The following DOCK10 variants were observed in gnomAD, a reference collection of about 807,000 sequenced individuals.
DOCK10 encodes dedicator of cytokinesis protein 10.
DOCK10 carries 145 observed loss-of-function variants against 280.1 expected under a neutral mutation model. The ratio of observed to expected loss-of-function variants is 0.52; its 90% confidence interval spans 0.45 to 0.59. The LOEUF (loss-of-function observed/expected upper bound fraction) is 0.59, where lower values mean the gene tolerates loss of function less well. DOCK10 is among the 20% of genes least tolerant of loss of function. DOCK10 has a pLI of 0.00. For synonymous variants in DOCK10, 915 were observed against 942.2 expected (o/e 0.97, Z 0.53); for missense variants, 2,368 against 2,651.7 (o/e 0.89, Z 2.35).
At chr2:224,787,705 C>G (rs72970954) in intron 48 of DOCK10, among the ~76,000 whole-genome samples, 8,750 of 152,260 alleles carry the variant, frequency 0.057, 297 homozygotes, top group South Asian at 0.1. Context: ...TCTGTTTTCC[C>G]TCTCCAATTG....
intron 3 of DOCK10, among the ~76,000 whole-genome samples, chr2:224,915,683 C>G (rs776219437): frequency 1.3e-5 from 2 of 152,190 alleles, no homozygotes; most frequent in Non-Finnish European, 2.9e-5. Flanking sequence ...CAAGACTGAA[C>G]TTAGATTCCA....
At chr2:224,971,999 C>T (rs1705113588) in intron 1 of DOCK10, among the ~76,000 whole-genome samples, 1 of 151,674 alleles carries the variant, frequency 6.6e-6, no homozygotes, top group Non-Finnish European at 1.5e-5. Context: ...AAATATGGCC[C>T]CTAGAAAATT....
At chr2:224,851,548 T>A (rs912471426) in intron 18 of DOCK10, among the ~76,000 whole-genome samples, 4 of 151,826 alleles carry the variant, frequency 2.6e-5, no homozygotes, top group African/African-American at 9.7e-5. Flanking sequence ...TTCTTCTGAA[T>A]AATGCTACAA....
Position 224,834,276 on chromosome 2 carries a change from C to T in DOCK10, c.2851-13G>A. On this transcript the variant is annotated splice_polypyrimidine_tract_variant and intron_variant, in intron 25 of 55. Transcript: ENST00000258390. ...TCTTGAACACGAACTGAAGAAAATC[C>T]AAAAAGTGAATAAAGTTAAATACTT... 7.0e-7 allele frequency: 1 copy of T among 1,437,618 alleles called. No individual in the cohort carries two copies. 89.1% of individuals were successfully genotyped at this position (1,437,618 alleles called of 1,614,324 possible).
chr2:224,784,923 C>A (rs1029561526), intron 50 of DOCK10, among the ~76,000 whole-genome samples: 1 of 152,058 alleles, frequency 6.6e-6, no homozygotes, highest in Admixed American at 6.6e-5. Context: ...TTTACTTTTT[C>A]ATTGGAAGGA....
chr2:224,789,249 T>C, intron 47 of DOCK10, 79 bp from the exon 48 acceptor site: 1 of 805,812 alleles, frequency 1.2e-6, no homozygotes, highest in Non-Finnish European at 2.1e-6. Context: ...TTCTTCATGA[T>C]GTTACCAAGT....
chr2:224,881,609 C>T (rs1179800709), intron 7 of DOCK10, among the ~76,000 whole-genome samples: 1 of 152,094 alleles, frequency 6.6e-6, no homozygotes, highest in East Asian at 1.9e-4. Flanking sequence ...AGCTCTGTGA[C>T]CTGTGAAAGA....
intron 1 of DOCK10, among the ~76,000 whole-genome samples, chr2:225,017,216 C>T (rs1340144649): frequency 6.6e-6 from 1 of 151,758 alleles, no homozygotes; most frequent in African/African-American, 2.4e-5. Flanking sequence ...AAGGTCATCT[C>T]GTACAGCTTC....
chr2:224,966,952 A>T (rs1704784362), intron 1 of DOCK10, among the ~76,000 whole-genome samples: 1 of 152,160 alleles, frequency 6.6e-6, no homozygotes, highest in African/African-American at 2.4e-5. Flanking sequence ...GGAGGCGGGA[A>T]TTACACATGT....
At chr2:224,951,426 A>G (rs1366222415) in intron 1 of DOCK10, among the ~76,000 whole-genome samples, 1 of 152,222 alleles carries the variant, frequency 6.6e-6, no homozygotes, top group Admixed American at 6.5e-5. Context: ...ATAAGAATTC[A>G]AAGTCTGGTC....
At chr2:224,795,999 A>G (rs529556255) in intron 44 of DOCK10, among the ~76,000 whole-genome samples, 1 of 151,504 alleles carries the variant, frequency 6.6e-6, no homozygotes, top group South Asian at 2.1e-4. Flanking sequence ...TTGATAGTTT[A>G]CTTTGAGGAG....
At chr2:224,843,139 G>T (rs1382246841) in intron 22 of DOCK10, among the ~76,000 whole-genome samples, 11 of 152,142 alleles carry the variant, frequency 7.2e-5, no homozygotes, top group African/African-American at 2.2e-4. Context: ...CCTGTGATAT[G>T]GTTCATAATA....
At chr2:224,778,001 G>T in intron 51 of DOCK10, 137 bp downstream of exon 51, 2 of 843,786 alleles carry the variant, frequency 2.4e-6, no homozygotes, top group Non-Finnish European at 3.6e-6. Flanking sequence ...CAACCAACAG[G>T]CAAACAAGCA....
chr2:224,890,338 T>C (rs1465687835), intron 4 of DOCK10, among the ~76,000 whole-genome samples: 2 of 152,220 alleles, frequency 1.3e-5, no homozygotes, highest in African/African-American at 2.4e-5. Flanking sequence ...CCTTTCAAAC[T>C]AGTAACGATG....
At chr2:224,784,383 A>G (rs1223247174) in intron 50 of DOCK10, among the ~76,000 whole-genome samples, 1 of 152,210 alleles carries the variant, frequency 6.6e-6, no homozygotes, top group East Asian at 1.9e-4. Flanking sequence ...GCCTGAAATA[A>G]GTAGACGATC....
intron 15 of DOCK10, among the ~76,000 whole-genome samples, chr2:224,855,846 C>T (rs1400693915): frequency 2.0e-5 from 3 of 151,944 alleles, no homozygotes; most frequent in African/African-American, 4.8e-5. Context: ...TAAACACAGC[C>T]GTTAATAAAA....
At chr2:225,022,728 A>G (rs1689814888) in intron 1 of DOCK10, among the ~76,000 whole-genome samples, 1 of 152,238 alleles carries the variant, frequency 6.6e-6, no homozygotes, top group African/African-American at 2.4e-5. Flanking sequence ...TTTGATTTAA[A>G]CAAAACAACA....
At chr2:225,001,515 C>T (rs1462268183) in intron 1 of DOCK10, among the ~76,000 whole-genome samples, 5 of 152,024 alleles carry the variant, frequency 3.3e-5, no homozygotes, top group African/African-American at 1.2e-4. Context: ...GTCTTGATCT[C>T]CTGACCTTGT....
chr2:224,845,165 T>C, intron 21 of DOCK10, 38 bp downstream of exon 21: 1 of 1,543,990 alleles, frequency 6.5e-7, no homozygotes. Flanking sequence ...TAAGCTGGTG[T>C]GCTTTTTTAA....
Sources: allele counts gnomAD v4.1 joint callset (sites outside exome capture counted in the v4.1 genomes callset), GRCh38; gene constraint gnomAD v4.1.1; transcripts MANE v1.5; gene names NCBI Gene and HGNC (gene_info 2026-07-23, HGNC 2026-07-21).